The following KIF13B variants were observed in gnomAD, a reference collection of about 807,000 sequenced individuals.
The protein encoded by KIF13B is kinesin-like protein KIF13B.
Under a neutral mutation model 222.0 loss-of-function variants are expected in KIF13B, and 127 were observed. The observed-to-expected ratio is 0.57, with a 90% confidence interval of 0.50 to 0.66. The LOEUF is 0.66. KIF13B is among the 30% of genes least tolerant of loss of function. The pLI is 0.00. For missense variants in KIF13B, 2,173 were observed against 2,379.0 expected (o/e 0.91, Z 1.80); for synonymous variants, 976 against 919.0 (o/e 1.06, Z -1.12).
At chr8:29,097,193 G>T in intron 36 of KIF13B, among the ~76,000 whole-genome samples, 1 of 152,176 alleles carries the variant, frequency 6.6e-6, no homozygotes, top group Non-Finnish European at 1.5e-5. Flanking sequence ...AGGTAAGAGA[G>T]ATTTCAAGGT....
chr8:29,090,631 C>T (rs557235471), intron 37 of KIF13B, among the ~76,000 whole-genome samples: 1 of 152,182 alleles, frequency 6.6e-6, no homozygotes, highest in East Asian at 1.9e-4. Flanking sequence ...TTCTCACAAA[C>T]CAACTGGAAT....
chr8:29,208,673 A>G (rs769888927), intron 2 of KIF13B, among the ~76,000 whole-genome samples: 1 of 152,216 alleles, frequency 6.6e-6, no homozygotes, highest in Non-Finnish European at 1.5e-5. Flanking sequence ...GTACAACCAG[A>G]GCTCTAATTC....
chr8:29,205,763 A>G lies in KIF13B; in HGVS notation c.150-9564T>C, dbSNP rs985918180. Among the ~76,000 whole-genome samples, 10 of 152,232 alleles carry G rather than the reference A, an allele frequency of 6.6e-5. 1 individual carries two copies. Among genetic ancestry groups the G allele is most frequent in the South Asian group, 6.2e-4 (3 of 4,826 alleles). On this transcript the variant is annotated intron_variant, in intron 2 of 39. Coordinates refer to ENST00000524189, the MANE Select transcript of KIF13B (RefSeq NM_015254.4). ...AACCAGTGGTAGGTCTAGAGTTTAG[A>G]TCTAAGTTGGAAAGCTTGGTACTTC...
chr8:29,177,435 A>G, intron 9 of KIF13B, 31 bp downstream of exon 9: 1 of 1,309,236 alleles, frequency 7.6e-7, no homozygotes, highest in Non-Finnish European at 1.1e-6. Flanking sequence ...AAATAAATAA[A>G]GCAATAAAAA....
At chr8:29,119,639 T>C (rs1446806207) in intron 29 of KIF13B, among the ~76,000 whole-genome samples, 1 of 152,258 alleles carries the variant, frequency 6.6e-6, no homozygotes, top group East Asian at 1.9e-4. Flanking sequence ...CTTATGCATA[T>C]GCCTGCCTGC....
At chr8:29,241,178 A>G (rs959747653) in intron 2 of KIF13B, among the ~76,000 whole-genome samples, 1 of 152,226 alleles carries the variant, frequency 6.6e-6, no homozygotes, top group Non-Finnish European at 1.5e-5. Context: ...TGATGCTAAG[A>G]AGCCAATCAC....
rs1216670249 is a variant in KIF13B at position 29,177,901 on chromosome 8, CCT to C, written c.721-325_721-324del. ...TCCAACCTGAGCGACACAGTGAGAC[CCT>C]GTCTCTTAAAAAACAATACAAAAAG... On this transcript the variant is annotated intron_variant, in intron 8 of 39. Transcript: ENST00000524189. Among the ~76,000 whole-genome samples the C allele has an allele frequency of 2.0e-5, 3 of 152,084 alleles. No homozygotes were observed. In the East Asian group the frequency reaches 5.8e-4, roughly 29 times the overall value.
intron 13 of KIF13B, 105 bp from the exon 14 acceptor site, chr8:29,155,961 AT>A (rs1421601777): frequency 1.8e-5 from 15 of 824,744 alleles, no homozygotes; most frequent in South Asian, 3.4e-5. Flanking sequence ...CTTTGCGAAA[AT>A]TTTTTTTATT....
chr8:29,220,779 G>T (rs1211012911), intron 2 of KIF13B, among the ~76,000 whole-genome samples: 4 of 152,120 alleles, frequency 2.6e-5, no homozygotes, highest in Non-Finnish European at 5.9e-5. Flanking sequence ...GGTAAGAAAA[G>T]AGTAGAGAGA....
chr8:29,123,637 G>T (rs1809976242), intron 27 of KIF13B, 145 bp from the exon 28 acceptor site: 3 of 1,048,432 alleles, frequency 2.9e-6, no homozygotes, highest in Non-Finnish European at 4.2e-6. Flanking sequence ...CAGCTAGAGA[G>T]GTCAGATGGG....
chr8:29,083,335 A>C (rs1807899264), intron 37 of KIF13B, among the ~76,000 whole-genome samples: 2 of 152,252 alleles, frequency 1.3e-5, no homozygotes, highest in South Asian at 4.1e-4. Context: ...GTTTTGACAG[A>C]GACCACATGG....
intron 2 of KIF13B, among the ~76,000 whole-genome samples, chr8:29,225,798 T>C (rs1485278419): frequency 6.6e-6 from 1 of 152,172 alleles, no homozygotes; most frequent in East Asian, 1.9e-4. Flanking sequence ...CCTGACTAGA[T>C]AGGAACACCA....
intron 14 of KIF13B, among the ~76,000 whole-genome samples, chr8:29,154,696 A>G (rs1005659229): frequency 1.3e-5 from 2 of 152,154 alleles, no homozygotes; most frequent in Admixed American, 1.3e-4. Flanking sequence ...AAACGCAACG[A>G]TGACGTGGCC....
intron 37 of KIF13B, among the ~76,000 whole-genome samples, chr8:29,082,363 G>GT (rs1807850149): frequency 6.6e-6 from 1 of 152,022 alleles, no homozygotes; most frequent in Admixed American, 6.5e-5. Flanking sequence ...TTAAATACTA[G>GT]TATTTCCAGA....
At chr8:29,233,327 T>G (rs1268856823) in intron 2 of KIF13B, among the ~76,000 whole-genome samples, 1 of 152,226 alleles carries the variant, frequency 6.6e-6, no homozygotes, top group Non-Finnish European at 1.5e-5. Context: ...AATAGTTACA[T>G]TTCTTGGCAT....
At chr8:29,168,268 A>T (rs1000648664) in intron 10 of KIF13B, among the ~76,000 whole-genome samples, 9 of 152,262 alleles carry the variant, frequency 5.9e-5, no homozygotes, top group African/African-American at 1.7e-4. Flanking sequence ...AAGTACAGTG[A>T]AACGGCTTTA....
chr8:29,120,598 GT>G (rs1809820634), intron 29 of KIF13B, among the ~76,000 whole-genome samples: 1 of 802 alleles, frequency 1.2e-3, no homozygotes, highest in African/African-American at 5.7e-3. Context: ...ATTTGGGTTG[GT>G]TCCAAGTCTT....
In KIF13B at chr8:29,116,941, C is replaced by T. The variant is rs780444269; in HGVS notation, c.3727G>A (p.Val1243Met). The T allele has an allele frequency of 1.7e-5, 27 of 1,612,266 alleles. No homozygotes were observed. Among genetic ancestry groups the T allele is most frequent in the African/African-American group, 2.7e-5 (2 of 74,906 alleles). ...GCPQLSRGTP[V>M]DERLFLIVRV... Reference sequence around the variant, plus strand: ...ACGATCAGGAACAACCGCTCGTCCACGGGCGTGCCCCTGCTGAGCTGAGGG... The same window carrying T: ...ACGATCAGGAACAACCGCTCGTCCATGGGCGTGCCCCTGCTGAGCTGAGGG... The change falls in exon 31 of 40, where the codon GTG becomes ATG. Residue 1243 changes from valine to methionine, a missense_variant. Transcript: ENST00000524189.
intron 2 of KIF13B, among the ~76,000 whole-genome samples, chr8:29,198,327 T>TG (rs951884880): frequency 4.1e-5 from 6 of 147,714 alleles, no homozygotes; most frequent in African/African-American, 1.5e-4. Context: ...TTTTGTTTTT[T>TG]GTTTTTTTTT....
Sources: allele counts gnomAD v4.1 joint callset (sites outside exome capture counted in the v4.1 genomes callset), GRCh38; gene constraint gnomAD v4.1.1; transcripts MANE v1.5; gene names NCBI Gene and HGNC (gene_info 2026-07-23, HGNC 2026-07-21).